Variants in CELF2 observed in about 807,000 individuals in gnomAD.
The protein encoded by CELF2 is CUGBP Elav-like family member 2, also known as CUG triplet repeat RNA-binding protein 2.
A neutral mutation model predicts 62.6 loss-of-function variants in CELF2; 8 were observed. That is an observed-to-expected ratio of 0.13 (90% CI 0.07 to 0.23). The LOEUF is 0.23. Among genes scored for constraint, CELF2 ranks in the 10% least tolerant of loss-of-function variants. The probability of loss-of-function intolerance (pLI) is 1.00; values close to 1 mark genes in which losing one functional copy is unlikely to be tolerated. For missense variants in CELF2, 333 were observed against 671.0 expected, an observed-to-expected ratio of 0.50 and a Z score of 5.56; for synonymous variants, 258 against 250.0, an observed-to-expected ratio of 1.03 and a Z score of -0.30.
chr10:11,052,863 G>A (rs2064232833), intron 1 of CELF2, among the ~76,000 whole-genome samples: 2 of 152,086 alleles, frequency 1.3e-5, no homozygotes, highest in Non-Finnish European at 2.9e-5. Context: ...TGTAGTAGAG[G>A]GCTTCTCAGG....
At chr10:10,770,022 T>G in the CELF2 span, among the ~76,000 whole-genome samples, 2 of 152,084 alleles carry the variant, frequency 1.3e-5, no homozygotes, top group Non-Finnish European at 2.9e-5. Context: ...CTTAGAGATA[T>G]TGTAAGTACA....
intron 1 of CELF2, among the ~76,000 whole-genome samples, chr10:11,068,198 T>C (rs1471778794): frequency 6.6e-6 from 1 of 152,236 alleles, no homozygotes; most frequent in Non-Finnish European, 1.5e-5. Context: ...TTATTTAAAG[T>C]TTATTGAGAG....
the CELF2 span, among the ~76,000 whole-genome samples, chr10:10,731,727 A>G: frequency 6.6e-6 from 1 of 152,208 alleles, no homozygotes; most frequent in Non-Finnish European, 1.5e-5. Flanking sequence ...TTTAGTATCC[A>G]TACAACCTTC....
chr10:10,939,860 A>G (rs938240300), intron 2 of CELF2, among the ~76,000 whole-genome samples: 4 of 152,000 alleles, frequency 2.6e-5, no homozygotes, highest in African/African-American at 9.7e-5. Context: ...AGGCTGAGGC[A>G]GGAGAATGGT....
intron 1 of CELF2, among the ~76,000 whole-genome samples, chr10:11,025,239 G>GTGTGTGTATATA (rs61580670): frequency 7.1e-6 from 1 of 140,998 alleles, no homozygotes; most frequent in Non-Finnish European, 1.5e-5. Context: ...GTGTGTGTGT[G>GTGTGTGTATATA]TATATGTATG....
At chr10:10,739,141 C>T in the CELF2 span, among the ~76,000 whole-genome samples, 4 of 151,568 alleles carry the variant, frequency 2.6e-5, no homozygotes, top group Admixed American at 2.0e-4. Context: ...TAGAATCTGA[C>T]GATAACAAAA....
At chr10:10,613,113 T>C in the CELF2 span, among the ~76,000 whole-genome samples, 1 of 146,544 alleles carries the variant, frequency 6.8e-6, no homozygotes, top group African/African-American at 2.6e-5. Flanking sequence ...TCGAAACTCT[T>C]AGCTCAGTAA....
chr10:10,875,158 G>A (rs10752212), intron 1 of CELF2, among the ~76,000 whole-genome samples: 96,790 of 152,050 alleles, frequency 0.64, 33,132 homozygotes, highest in East Asian at 0.97. Flanking sequence ...TCTCTTCAAT[G>A]TGGAATTCAA....
intron 1 of CELF2, among the ~76,000 whole-genome samples, chr10:11,051,953 C>T (rs555626921): frequency 2.1e-4 from 30 of 143,248 alleles, no homozygotes; most frequent in African/African-American, 7.2e-4. Flanking sequence ...GGCTGGAGTG[C>T]GGTGGAGCAA....
At chr10:10,483,413 T>G in the CELF2 span, among the ~76,000 whole-genome samples, 1 of 152,206 alleles carries the variant, frequency 6.6e-6, no homozygotes, top group African/African-American at 2.4e-5. Context: ...ACACAGTTCC[T>G]GGTAGCACAT....
rs1352688999 is a variant in CELF2, at chr10:11,200,925, T to A, written c.272-16500T>A. ...TCATCAGTGAGGATGAAATGTCAGA[T>A]ATTCTTGTCGGGAAGTATATTCCTC... On this transcript the variant is annotated intron_variant, in intron 2 of 12. Transcript: ENST00000633077. Among the ~76,000 whole-genome samples, 3 of 152,254 alleles carry A rather than the reference T, an allele frequency of 2.0e-5. No individual in the cohort carries two copies. The East Asian group carries it at 5.8e-4, about 29-fold the overall frequency.
At chr10:11,076,243 T>A (rs2071890202) in intron 1 of CELF2, among the ~76,000 whole-genome samples, 1 of 151,276 alleles carries the variant, frequency 6.6e-6, no homozygotes, top group African/African-American at 2.4e-5. Context: ...TCGAGAAAGA[T>A]TATTGGAGGA....
chr10:11,039,179 A>G lies in CELF2; in HGVS notation c.74+21016A>G, dbSNP rs2061424551. ...GAGGACACTGAGAGCAGAAACCGTG[A>G]TGCAGTGAGCCTTCTGCCCACAACA... On this transcript the variant is annotated intron_variant, in intron 1 of 12. Coordinates refer to ENST00000633077, the MANE Select transcript of CELF2 (RefSeq NM_001326342.2). The surrounding 1 kb of genome is among the most constrained non-coding windows in gnomAD (Gnocchi z 4.1). Among the ~76,000 whole-genome samples the G allele has an allele frequency of 6.6e-6, 1 of 152,218 alleles. No individual in the cohort carries two copies. Among genetic ancestry groups the G allele is most frequent in the Non-Finnish European group, 1.5e-5 (1 of 68,038 alleles).
the CELF2 span, among the ~76,000 whole-genome samples, chr10:10,614,541 C>T: frequency 2.0e-5 from 3 of 152,092 alleles, no homozygotes; most frequent in East Asian, 3.9e-4. Flanking sequence ...CAGACCTGAT[C>T]GTGAGTGATT....
intron 1 of CELF2, among the ~76,000 whole-genome samples, chr10:11,055,708 G>T (rs563860629): frequency 6.6e-6 from 1 of 152,202 alleles, no homozygotes; most frequent in Non-Finnish European, 1.5e-5. Context: ...TCTTGATAGC[G>T]TCTGGAAGGC....
chr10:10,645,318 A>G, the CELF2 span, among the ~76,000 whole-genome samples: 4 of 152,296 alleles, frequency 2.6e-5, no homozygotes, highest in Admixed American at 2.6e-4. Flanking sequence ...GAAGACAGCC[A>G]CTGCTCATGA....
chr10:10,552,100 G>T, the CELF2 span, among the ~76,000 whole-genome samples: 2 of 152,198 alleles, frequency 1.3e-5, no homozygotes, highest in Non-Finnish European at 2.9e-5. Flanking sequence ...CAAAGCGGTT[G>T]CCTTGTACCT....
intron 2 of CELF2, among the ~76,000 whole-genome samples, chr10:11,205,353 C>T (rs565469406): frequency 6.6e-6 from 1 of 152,316 alleles, no homozygotes; most frequent in Admixed American, 6.5e-5. Context: ...CCTTACCTGC[C>T]TCAAAGGGAG....
At chr10:11,273,517 G>A (rs1397314427) in intron 7 of CELF2, among the ~76,000 whole-genome samples, 1 of 152,054 alleles carries the variant, frequency 6.6e-6, no homozygotes, top group Non-Finnish European at 1.5e-5. Flanking sequence ...TCTTTCCCCG[G>A]TGCCAAAAAG....
Sources: allele counts gnomAD v4.1 joint callset (sites outside exome capture counted in the v4.1 genomes callset), GRCh38; gene constraint gnomAD v4.1.1; non-coding constraint Gnocchi (gnomAD v3.1); transcripts MANE v1.5; gene names NCBI Gene and HGNC (gene_info 2026-07-23, HGNC 2026-07-21).